ENTREP2: variants seen among roughly 807,000 people sequenced by gnomAD.
ENTREP2 encodes the protein endosomal transmembrane epsin interactor 2.
At chr15:29,269,763 T>A in the ENTREP2 span, 1 of 1,392,362 alleles carries the variant, frequency 7.2e-7, no homozygotes, top group Non-Finnish European at 9.3e-7. Flanking sequence ...CGGCGGGGAT[T>A]GCGGGTCGGC....
the ENTREP2 span, among the ~76,000 whole-genome samples, chr15:29,317,251 T>C: frequency 1.2e-4 from 19 of 152,210 alleles, no homozygotes; most frequent in African/African-American, 4.6e-4. Flanking sequence ...ACTATTACCA[T>C]AAATAACATT....
the ENTREP2 span, among the ~76,000 whole-genome samples, chr15:29,297,509 G>A: frequency 6.6e-6 from 1 of 152,170 alleles, no homozygotes; most frequent in Non-Finnish European, 1.5e-5. Flanking sequence ...ACTAATAAAT[G>A]ATGAGGAAAT....
the ENTREP2 span, among the ~76,000 whole-genome samples, chr15:29,203,485 C>T: frequency 2.6e-5 from 4 of 152,132 alleles, no homozygotes; most frequent in Non-Finnish European, 5.9e-5. Flanking sequence ...TAATAATTGC[C>T]ATTCTAACTG....
chr15:29,556,757 C>A, the ENTREP2 span, among the ~76,000 whole-genome samples: 17 of 64,790 alleles, frequency 2.6e-4, no homozygotes, highest in African/African-American at 8.6e-4. Flanking sequence ...CAGCCCCATG[C>A]AGGTGCCCCC....
At chr15:29,409,082 A>C in the ENTREP2 span, among the ~76,000 whole-genome samples, 1 of 152,322 alleles carries the variant, frequency 6.6e-6, no homozygotes, top group Admixed American at 6.5e-5. Context: ...ATTTGTTCAA[A>C]CTAGCTTCCA....
At chr15:29,286,291 G>A in the ENTREP2 span, among the ~76,000 whole-genome samples, 2 of 152,150 alleles carry the variant, frequency 1.3e-5, no homozygotes, top group Non-Finnish European at 2.9e-5. Context: ...AGAATGTAAA[G>A]ATAAGTTAAT....
chr15:29,605,854 T>C, the ENTREP2 span, among the ~76,000 whole-genome samples: 1 of 151,860 alleles, frequency 6.6e-6, no homozygotes, highest in Middle Eastern at 3.2e-3. Context: ...AAATAAAATA[T>C]GGATTCAGAA....
At chr15:29,184,521 C>A in the ENTREP2 span, among the ~76,000 whole-genome samples, 1 of 152,186 alleles carries the variant, frequency 6.6e-6, no homozygotes. Context: ...GGATCTACCA[C>A]CAGTTGAGTC....
the ENTREP2 span, among the ~76,000 whole-genome samples, chr15:29,516,590 G>C: frequency 1.3e-5 from 2 of 152,038 alleles, no homozygotes; most frequent in Non-Finnish European, 2.9e-5. Context: ...GCTGGGAAAT[G>C]AGAGCAAAGG....
chr15:29,615,978 C>CCATGAGG, the ENTREP2 span, among the ~76,000 whole-genome samples: 1 of 152,202 alleles, frequency 6.6e-6, no homozygotes, highest in South Asian at 2.1e-4. Flanking sequence ...CACCAGAGGA[C>CCATGAGG]CTGGTGGGAC....
At chr15:29,589,530 T>C in the ENTREP2 span, among the ~76,000 whole-genome samples, 1 of 152,176 alleles carries the variant, frequency 6.6e-6, no homozygotes, top group Non-Finnish European at 1.5e-5. Flanking sequence ...AGGGGCTGCA[T>C]ATCATCTTCC....
the ENTREP2 span, among the ~76,000 whole-genome samples, chr15:29,566,119 A>G: frequency 2.2e-4 from 34 of 152,016 alleles, no homozygotes; most frequent in African/African-American, 6.8e-4. Flanking sequence ...AAAGCTATAC[A>G]TTGTTTGTGT....
the ENTREP2 span, among the ~76,000 whole-genome samples, chr15:29,667,313 G>C: frequency 1.4e-5 from 2 of 142,612 alleles, 1 homozygote; most frequent in South Asian, 4.7e-4. Context: ...TCAGCCTCCC[G>C]AGTAGCTGGG....
At chr15:29,375,143 G>A in the ENTREP2 span, 1 of 152,116 alleles carries the variant, frequency 6.6e-6, no homozygotes, top group African/African-American at 2.4e-5. Context: ...TATCTGTTAG[G>A]CAGAACTGGA....
At chr15:29,370,163 A>C in the ENTREP2 span, among the ~76,000 whole-genome samples, 10 of 152,150 alleles carry the variant, frequency 6.6e-5, no homozygotes, top group South Asian at 6.2e-4. Context: ...AATTACATTA[A>C]AAAATTAAAC....
chr15:29,475,835 A>C, the ENTREP2 span, among the ~76,000 whole-genome samples: 1 of 152,122 alleles, frequency 6.6e-6, no homozygotes, highest in African/African-American at 2.4e-5. Flanking sequence ...CCGAGAGGAG[A>C]GACCTCCAGA....
chr15:29,197,462 T>TA, the ENTREP2 span, among the ~76,000 whole-genome samples: 1 of 151,956 alleles, frequency 6.6e-6, no homozygotes, highest in South Asian at 2.1e-4. Context: ...GTCCTAGATG[T>TA]AAAACTACTA....
chr15:29,207,158 T>C, the ENTREP2 span, among the ~76,000 whole-genome samples: 4 of 152,146 alleles, frequency 2.6e-5, no homozygotes, highest in African/African-American at 7.2e-5. Flanking sequence ...GGAGAGATGC[T>C]GAATGCAGTC....
chr15:29,660,116 G>C, the ENTREP2 span, among the ~76,000 whole-genome samples: 1 of 152,144 alleles, frequency 6.6e-6, no homozygotes, highest in African/African-American at 2.4e-5. Context: ...CTATGTTTAT[G>C]TACCTGCTAT....
Sources: allele counts gnomAD v4.1 joint callset (sites outside exome capture counted in the v4.1 genomes callset), GRCh38; gene constraint gnomAD v4.1.1; transcripts MANE v1.5; gene names NCBI Gene and HGNC (gene_info 2026-07-23, HGNC 2026-07-21).